Variants in TF observed in about 807,000 individuals in gnomAD.
The protein encoded by TF is serotransferrin.
TF carries 55 observed loss-of-function variants against 82.4 expected under a neutral mutation model. The ratio of observed to expected loss-of-function variants is 0.67; its 90% confidence interval spans 0.54 to 0.84. The LOEUF (loss-of-function observed/expected upper bound fraction) is 0.84, where lower values mean the gene tolerates loss of function less well. TF is among the 40% of genes least tolerant of loss of function. TF has a pLI of 0.00. For missense variants in TF, 737 were observed against 868.4 expected (o/e 0.85, Z 1.90); for synonymous variants, 332 against 332.6 (o/e 1.00, Z 0.02).
In TF at chr3:133,746,439, A is replaced by G. The variant is rs1130459; in HGVS notation, c.-2A>G. On this transcript the variant is annotated 5_prime_UTR_variant, in exon 1 of 17. Coordinates refer to ENST00000402696, the MANE Select transcript of TF (RefSeq NM_001063.4). ...CTCGCTGCTCAGCGCCGCACCCGGAAGATGAGGCTCGCCGTGGGAGCCCTG... is the reference window on the plus strand; with the variant it reads ...CTCGCTGCTCAGCGCCGCACCCGGAGGATGAGGCTCGCCGTGGGAGCCCTG... 0.56 allele frequency: 892,448 copies of G among 1,597,522 alleles called. 253,921 individuals carry two copies. Among genetic ancestry groups the G allele is most frequent in the East Asian group, 0.76 (33,746 of 44,124 alleles).
At chr3:133,775,285 T>C in intron 14 of TF, 148 bp from the exon 15 acceptor site, 1 of 782,780 alleles carries the variant, frequency 1.3e-6, no homozygotes, top group South Asian at 1.4e-5. Flanking sequence ...TGGGTGTCTC[T>C]TCCTGTCCAC....
chr3:133,722,153 A>C, the TF span, among the ~76,000 whole-genome samples: 1 of 152,082 alleles, frequency 6.6e-6, no homozygotes, highest in Non-Finnish European at 1.5e-5. Context: ...AAGTGCTGGG[A>C]TTACAGGCAT....
the TF span, among the ~76,000 whole-genome samples, chr3:133,696,710 A>G: frequency 1.3e-5 from 2 of 152,326 alleles, no homozygotes; most frequent in South Asian, 4.1e-4. Context: ...AATTATTGTA[A>G]ATATTTCAGA....
At chr3:133,713,777 G>A in the TF span, among the ~76,000 whole-genome samples, 1 of 152,132 alleles carries the variant, frequency 6.6e-6, no homozygotes, top group Non-Finnish European at 1.5e-5. Context: ...TGGAGGGGCT[G>A]GTTGGGGTCC....
At chr3:133,675,379 A>C in the TF span, among the ~76,000 whole-genome samples, 1 of 152,194 alleles carries the variant, frequency 6.6e-6, no homozygotes, top group Non-Finnish European at 1.5e-5. Flanking sequence ...TCATTCGGTT[A>C]AATATTGTCT....
the TF span, among the ~76,000 whole-genome samples, chr3:133,721,364 A>G: frequency 1.3e-5 from 2 of 152,282 alleles, no homozygotes; most frequent in Non-Finnish European, 2.9e-5. Context: ...GTGGTTTAGA[A>G]GCATGATGTT....
chr3:133,686,106 C>A, the TF span, among the ~76,000 whole-genome samples: 1 of 152,170 alleles, frequency 6.6e-6, no homozygotes, highest in African/African-American at 2.4e-5. Flanking sequence ...GAAAGGATTC[C>A]CTGTTTAATA....
the TF span, among the ~76,000 whole-genome samples, chr3:133,708,198 G>T: frequency 2.0e-5 from 3 of 151,980 alleles, no homozygotes; most frequent in African/African-American, 4.8e-5. Flanking sequence ...TATATAATAA[G>T]ATATAACTTA....
At chr3:133,672,513 G>A in the TF span, among the ~76,000 whole-genome samples, 10 of 150,720 alleles carry the variant, frequency 6.6e-5, no homozygotes, top group East Asian at 3.9e-4. Context: ...AATGTTATAC[G>A]TAATAGCCAA....
chr3:133,764,896 C>T lies in TF; in HGVS notation c.1319C>T (p.Thr440Ile). 6.2e-7 allele frequency: 1 copy of T among 1,613,972 alleles called. No individual in the cohort carries two copies. The highest frequency in any genetic ancestry group is 8.5e-7 in the Non-Finnish European group (1 of 1,179,866). Reference sequence around the variant, plus strand: ...GCAGAGAGCGATAATTGTGAGGATACACCAGAGGCAGGTGAGTTTGAATTG... The same window carrying T: ...GCAGAGAGCGATAATTGTGAGGATATACCAGAGGCAGGTGAGTTTGAATTG... ...NYNKSDNCED[T>I]PEAGYFAIAV... Residue 440 changes from threonine (T) to isoleucine (I), a missense_variant, in exon 11 of 17, where the codon ACA becomes ATA. Physicochemically the swap from Thr to Ile is moderately conservative, Grantham distance 89. Coordinates refer to ENST00000402696, the MANE Select transcript of TF (RefSeq NM_001063.4).
Position 133,747,463 on chromosome 3 carries a change from G to A in TF, c.44-949G>A, listed in dbSNP as rs561509438. Among the ~76,000 whole-genome samples the A allele has an allele frequency of 1.1e-4, 16 of 152,322 alleles. No individual in the cohort carries two copies. In the South Asian group the frequency reaches 3.3e-3, roughly 32 times the overall value. On this transcript the variant is annotated intron_variant, in intron 1 of 16. Transcript: ENST00000402696. ...TCCTCATGCATCCTGGAGAGCTGTG[G>A]GCCTCCTCTCCACAGGCTTTGTGGA... is the stretch of plus-strand genomic sequence containing the variant.
intron 9 of TF, among the ~76,000 whole-genome samples, chr3:133,763,916 G>T (rs1295745294): frequency 6.6e-6 from 1 of 152,204 alleles, no homozygotes; most frequent in Non-Finnish European, 1.5e-5. Context: ...TCCTACAAGA[G>T]GGCAAGAGGA....
intron 9 of TF, among the ~76,000 whole-genome samples, chr3:133,759,577 GC>G (rs964546315): frequency 6.6e-6 from 1 of 152,218 alleles, no homozygotes; most frequent in Non-Finnish European, 1.5e-5. Context: ...AGCAGTGCCT[GC>G]TTAGGGAGGC....
intron 14 of TF, chr3:133,773,990 A>G (rs187281606): frequency 1.3e-5 from 2 of 152,336 alleles, no homozygotes; most frequent in East Asian, 3.9e-4. Context: ...TACACACACT[A>G]TAAGAGACAA....
the TF span, among the ~76,000 whole-genome samples, chr3:133,727,137 T>C: frequency 1.3e-5 from 2 of 152,206 alleles, no homozygotes; most frequent in Admixed American, 1.3e-4. Flanking sequence ...TTCTGTTGAT[T>C]TGGGGTGGAG....
Position 133,777,067 on chromosome 3 carries a change from G to GT in TF, c.1892dup (p.Thr632AsnfsTer2). The GT allele has an allele frequency of 6.2e-7, 1 of 1,614,166 alleles. No homozygotes were observed. The highest frequency in any genetic ancestry group is 8.5e-7 in the Non-Finnish European group (1 of 1,180,018). ...TTGACAGCACCTATTTGGAAGCAAC[G>GT]TAACTGACTGCTCGGGCAACTTTTG... On this transcript the variant is annotated frameshift_variant, in exon 16 of 17. Transcript: ENST00000402696. LOFTEE classifies it high-confidence loss of function.
At chr3:133,709,114 G>C in the TF span, among the ~76,000 whole-genome samples, 1 of 152,194 alleles carries the variant, frequency 6.6e-6, no homozygotes, top group African/African-American at 2.4e-5. Context: ...TGCTGCATTT[G>C]CTGTAATAGC....
At chr3:133,768,524 A>G (rs1339759017) in intron 13 of TF, among the ~76,000 whole-genome samples, 3 of 152,210 alleles carry the variant, frequency 2.0e-5, no homozygotes, top group Non-Finnish European at 4.4e-5. Context: ...TAAACATTCA[A>G]CAATGCACAG....
the TF span, among the ~76,000 whole-genome samples, chr3:133,740,761 A>G: frequency 6.6e-6 from 1 of 152,202 alleles, no homozygotes; most frequent in African/African-American, 2.4e-5. Context: ...TACAATATCA[A>G]GTCTTCCACT....
Sources: allele counts gnomAD v4.1 joint callset (sites outside exome capture counted in the v4.1 genomes callset), GRCh38; gene constraint gnomAD v4.1.1; transcripts MANE v1.5; gene names NCBI Gene and HGNC (gene_info 2026-07-23, HGNC 2026-07-21).